ZNF777: variants seen among roughly 807,000 people sequenced by gnomAD.
ZNF777 encodes the protein zinc finger protein 777.
Under a neutral mutation model 72.1 loss-of-function variants are expected in ZNF777, and 7 were observed. The observed-to-expected ratio is 0.10, with a 90% CI of 0.06 to 0.18. The LOEUF (loss-of-function observed/expected upper bound fraction) is 0.18. Among genes scored for constraint, ZNF777 ranks in the 10% least tolerant of loss-of-function variants. The pLI, the probability that ZNF777 is intolerant of heterozygous loss-of-function variation, is 1.00. For synonymous variants in ZNF777, 545 were observed against 483.5 expected (o/e 1.13, Z -1.67); for missense variants, 828 against 1,128.6 (o/e 0.73, Z 3.82).
chr7:149,432,835 G>A lies in ZNF777; in HGVS notation c.1437C>T (p.Ser479=), dbSNP rs1309303442. The A allele has an allele frequency of 6.3e-7, 1 of 1,593,732 alleles. No homozygotes were observed. Among genetic ancestry groups the A allele is most frequent in the East Asian group, 2.2e-5 (1 of 44,478 alleles). The change falls in exon 6 of 6, where the codon TCC becomes TCT. Residue 479 remains serine, a synonymous_variant. Transcript: ENST00000247930. ...GGTACATACTGGCCTCATATCTCCC[G>A]GACAGCTGCCCAAGGGATTGCAAGT... ...PQHLQSLGQL[S]GRYEASMYQT... is the part of the protein sequence containing the mutation.
chr7:149,438,814 G>A (rs549991739), intron 4 of ZNF777, among the ~76,000 whole-genome samples: 2 of 152,210 alleles, frequency 1.3e-5, no homozygotes, highest in South Asian at 2.1e-4. Context: ...GGATTCCTTC[G>A]GATGCGCGGC....
rs769778206 is a variant in ZNF777, at chr7:149,432,651, G to C, written c.1621C>G (p.Arg541Gly). The change falls in exon 6 of 6, where the codon CGC becomes GGC. Residue 541 changes from arginine (R) to glycine (G), a missense_variant. Around this residue, in one of 12 missense-constraint regions of ZNF777, gnomAD observed 219 missense variants for 223.0 expected, o/e 0.98. Coordinates refer to ENST00000247930, the MANE Select transcript of ZNF777 (RefSeq NM_015694.3). Reference sequence around the variant, plus strand: ...ATGCATGTGAAGGGCCGCTCGCCGCGCCGGTTCCGCTGCTGCTGGCTCGAG... The same window carrying C: ...ATGCATGTGAAGGGCCGCTCGCCGCCCCGGTTCCGCTGCTGCTGGCTCGAG... ...GASSQQQRNRRGERPFTCMEC... is the reference protein window; with the variant it reads ...GASSQQQRNRGGERPFTCMEC... 2 of 1,613,488 alleles carry C rather than the reference G, an allele frequency of 1.2e-6. No individual in the cohort carries two copies. Among genetic ancestry groups the C allele is most frequent in the Non-Finnish European group, 8.5e-7 (1 of 1,179,726 alleles).
Position 149,431,510 on chromosome 7 carries a change from T to C in ZNF777, c.*266A>G, listed in dbSNP as rs1799302940. On this transcript the variant is annotated 3_prime_UTR_variant, in exon 6 of 6. Coordinates refer to ENST00000247930, the MANE Select transcript of ZNF777 (RefSeq NM_015694.3). ...ACGCCCCCCGTGCTGATTGGTTTCA[T>C]CCATTTTATTGTCAAGGAAATTAAC... 1 of 453,630 alleles carries C rather than the reference T, an allele frequency of 2.2e-6. No individual in the cohort carries two copies. Among genetic ancestry groups the C allele is most frequent in the Non-Finnish European group, 4.4e-6 (1 of 227,030 alleles). 28.1% of individuals were successfully genotyped at this position (453,630 alleles called of 1,614,324 possible).
At chr7:149,438,107 C>T (rs1174684619) in intron 4 of ZNF777, among the ~76,000 whole-genome samples, 1 of 151,984 alleles carries the variant, frequency 6.6e-6, no homozygotes, top group Non-Finnish European at 1.5e-5. Context: ...TCTTGATCTC[C>T]TGACCTCGTG....
At chr7:149,438,532 T>G (rs1397221920) in intron 4 of ZNF777, among the ~76,000 whole-genome samples, 1 of 152,192 alleles carries the variant, frequency 6.6e-6, no homozygotes, top group East Asian at 1.9e-4. Context: ...ACCAACTACA[T>G]GTCATGTGGT....
At chr7:149,452,864 C>G (rs74430527) in intron 3 of ZNF777, among the ~76,000 whole-genome samples, 1,582 of 152,306 alleles carry the variant, frequency 0.01, 28 homozygotes, top group African/African-American at 0.037. Context: ...TTCTTAGTAT[C>G]TGTCCTACTG....
intron 4 of ZNF777, among the ~76,000 whole-genome samples, chr7:149,448,595 A>AAC (rs1799658690): frequency 2.4e-4 from 34 of 143,124 alleles, no homozygotes; most frequent in Non-Finnish European, 3.8e-4. Flanking sequence ...ATATATATAT[A>AAC]TATATATATA....
In ZNF777 at chr7:149,431,624, T is replaced by A. The variant is rs1017443284; in HGVS notation, c.*152A>T. 10 of 806,640 alleles carry A rather than the reference T, an allele frequency of 1.2e-5. No homozygotes were observed. The African/African-American group carries it at 1.5e-4, about 12-fold the overall frequency. 50.0% of individuals were successfully genotyped at this position (806,640 alleles called of 1,614,324 possible). A position where few individuals can be genotyped will look rare whatever the true frequency, so the allele number is the denominator to read the frequency against. On this transcript the variant is annotated 3_prime_UTR_variant, in exon 6 of 6. Transcript: ENST00000247930. ...AAGGGACCTGGTCTCACTGCCCCCA[T>A]GTCCTTGGGAGGAGGGACGAGAGGA...
rs751524345 is a variant in ZNF777 at position 149,455,529 on chromosome 7, G to C, written c.494C>G (p.Pro165Arg). ...CTGGACTGCAGAAGAGATCTGGAAAGGGGTGTCCTTTTGGGAAACCGGGCT... is the reference window on the plus strand; with the variant it reads ...CTGGACTGCAGAAGAGATCTGGAAACGGGTGTCCTTTTGGGAAACCGGGCT... ...LQSPVSQKDT[P>R]FQISSAVQKE... Residue 165 changes from proline to arginine, a missense_variant, in exon 2 of 6, where the codon CCT becomes CGT. By Grantham distance (103) the Pro-to-Arg change is moderately radical (BLOSUM62 -2). This residue lies in a region of ZNF777 where 222 missense variants were observed against 211.2 expected (regional missense o/e 1.05). Coordinates refer to ENST00000247930, the MANE Select transcript of ZNF777 (RefSeq NM_015694.3). The surrounding 1 kb of genome is among the most constrained non-coding windows in gnomAD (Gnocchi z 4.2). 1.7e-5 allele frequency: 27 copies of C among 1,613,924 alleles called. No homozygotes were observed. The South Asian group carries it at 3.0e-4, about 18-fold the overall frequency.
chr7:149,443,284 ACTT>A (rs1799554932), intron 4 of ZNF777, among the ~76,000 whole-genome samples: 3 of 152,160 alleles, frequency 2.0e-5, no homozygotes, highest in South Asian at 2.1e-4. Flanking sequence ...ACTTGCCAAT[ACTT>A]CTATATTGTC....
chr7:149,457,194 G>A (rs1434453743), intron 1 of ZNF777, among the ~76,000 whole-genome samples: 1 of 152,150 alleles, frequency 6.6e-6, no homozygotes, highest in Non-Finnish European at 1.5e-5. Context: ...TACTCACATC[G>A]AGAGAATTCC....
At position 149,455,579 on chromosome 7, in the gene ZNF777, C is replaced by G. The variant is rs1174951947; in HGVS notation, c.444G>C (p.Glu148Asp). The G allele has an allele frequency of 2.5e-6, 4 of 1,611,978 alleles. No individual in the cohort carries two copies. Among genetic ancestry groups the G allele is most frequent in the Non-Finnish European group, 3.4e-6 (4 of 1,179,814 alleles). Residue 148 changes from glutamate to aspartate, a missense_variant, in exon 2 of 6, where the codon GAG (glutamate) becomes GAC (aspartate). Glu to Asp is a conservative substitution (Grantham distance 45). This residue lies in a region of ZNF777 where 222 missense variants were observed against 211.2 expected (regional missense o/e 1.05). Coordinates refer to ENST00000247930, the MANE Select transcript of ZNF777 (RefSeq NM_015694.3). This position sits in a 1 kb window ranked among gnomAD's most constrained non-coding sequence, Gnocchi z 4.2. Reference sequence around the variant, plus strand: ...TCTGGAGCAGCGGGTCCATGTCAGTCTCGGGAACTGTTGGGGAAAGGGTCA... The same window carrying G: ...TCTGGAGCAGCGGGTCCATGTCAGTGTCGGGAACTGTTGGGGAAAGGGTCA... ...DPLTLSPTVP[E>D]TDMDPLLQSP...
intron 3 of ZNF777, among the ~76,000 whole-genome samples, chr7:149,452,080 A>G (rs1439928620): frequency 6.6e-6 from 1 of 151,702 alleles, no homozygotes; most frequent in African/African-American, 2.4e-5. Context: ...CCTGGCTAAC[A>G]TGGTGAAACC....
intron 1 of ZNF777, among the ~76,000 whole-genome samples, chr7:149,458,502 GAAACAAAACAAAACA>G (rs59457062): frequency 1.8e-3 from 264 of 149,356 alleles, no homozygotes; most frequent in African/African-American, 5.4e-3. Context: ...CTGAAACAAT[GAAACAAAACAAAACA>G]AAACAAAACA....
chr7:149,436,963 T>C lies in ZNF777; in HGVS notation c.1088-137A>G. 1.7e-5 allele frequency: 19 copies of C among 1,136,462 alleles called. No homozygotes were observed. Among genetic ancestry groups the C allele is most frequent in the Non-Finnish European group, 2.2e-5 (18 of 817,022 alleles). 70.4% of individuals were successfully genotyped at this position (1,136,462 alleles called of 1,614,324 possible). On this transcript the variant is annotated intron_variant, in intron 4 of 5. Transcript: ENST00000247930. This position sits in a 1 kb window ranked among gnomAD's most constrained non-coding sequence, Gnocchi z 5.0. The stretch of plus-strand genomic sequence containing the variant: ...GACCCTGAAGAAATGTAATATTGAG[T>C]TGGAAATGAGTAGACACAGAATTTT...
chr7:149,431,669 A>C lies in ZNF777; in HGVS notation c.*107T>G, dbSNP rs986699169. On this transcript the variant is annotated 3_prime_UTR_variant, in exon 6 of 6. Coordinates refer to ENST00000247930, the MANE Select transcript of ZNF777 (RefSeq NM_015694.3). Reference sequence around the variant, plus strand: ...AGAGGAGAGGGGGAGCTCACGGCAAAGGGGCTGGGGGGCGCCCCGCCCCCG... The same window carrying C: ...AGAGGAGAGGGGGAGCTCACGGCAACGGGGCTGGGGGGCGCCCCGCCCCCG... 2.8e-6 allele frequency: 3 copies of C among 1,087,052 alleles called. No homozygotes were observed. In the African/African-American group the frequency reaches 5.3e-5, roughly 19 times the overall value. 67.3% of individuals were successfully genotyped at this position (1,087,052 alleles called of 1,614,324 possible).
chr7:149,444,879 G>A (rs1345730869), intron 4 of ZNF777, among the ~76,000 whole-genome samples: 3 of 152,144 alleles, frequency 2.0e-5, no homozygotes, highest in East Asian at 3.9e-4. Context: ...AGTGCTCTGG[G>A]CAGCTGGCTC....
Position 149,436,786 on chromosome 7 carries a change from G to A in ZNF777, c.1128C>T (p.Asn376=), listed in dbSNP as rs368317468. 5.2e-4 allele frequency: 835 copies of A among 1,614,082 alleles called. 1 individual carries two copies. The highest frequency in any genetic ancestry group is 7.7e-4 in the Admixed American group (46 of 60,030). ...GIVIKIEVQT[N]DEGSESLETP... is the part of the protein sequence containing the mutation. ...TCTCCAAACTTTCTGAGCCCTCGTC[G>A]TTGGTCTGTACCTCGATCTTAATCA... Residue 376 remains asparagine, a synonymous_variant, in exon 5 of 6, where the codon AAC becomes AAT. Transcript: ENST00000247930. This position sits in a 1 kb window ranked among gnomAD's most constrained non-coding sequence, Gnocchi z 5.0.
intron 2 of ZNF777, among the ~76,000 whole-genome samples, chr7:149,454,899 C>T (rs1005503752): frequency 6.6e-6 from 1 of 152,190 alleles, no homozygotes; most frequent in Admixed American, 6.5e-5. Context: ...CTCCACGGCT[C>T]TCATCGGCCT....
Sources: gnomAD v4.1 joint callset for allele counts (sites outside exome capture counted in the v4.1 genomes callset) on GRCh38, gnomAD v4.1.1 for gene constraint, gnomAD v4.1.1 regional missense constraint, Gnocchi (gnomAD v3.1) non-coding constraint, MANE v1.5 for transcripts, NCBI Gene and HGNC (gene_info 2026-07-23, HGNC 2026-07-21) for gene names.